The following ANKAR variants were observed in gnomAD, a reference collection of about 807,000 sequenced individuals.
ANKAR encodes ankyrin and armadillo repeat-containing protein.
A neutral mutation model predicts 146.2 loss-of-function variants in ANKAR; 136 were observed. The observed-to-expected ratio is 0.93, with a 90% CI of 0.81 to 1.07. The LOEUF (loss-of-function observed/expected upper bound fraction) is 1.07, where lower values mean the gene tolerates loss of function less well. Among genes scored for constraint, ANKAR ranks in the 50% least tolerant of loss-of-function variants. ANKAR has a pLI of 0.00. For synonymous variants in ANKAR, 500 were observed against 575.8 expected (o/e 0.87, Z 1.88); for missense variants, 1,567 against 1,679.9 (o/e 0.93, Z 1.18).
At chr2:189,675,312 TAGAC>T (rs1194589776) in intron 1 of ANKAR, among the ~76,000 whole-genome samples, 8 of 152,226 alleles carry the variant, frequency 5.3e-5, no homozygotes, top group African/African-American at 1.9e-4. Flanking sequence ...ATTTCAGGAA[TAGAC>T]AGGCATTCAT....
At chr2:189,690,964 T>A (rs915273818) in intron 3 of ANKAR, among the ~76,000 whole-genome samples, 1 of 152,334 alleles carries the variant, frequency 6.6e-6, no homozygotes, top group Non-Finnish European at 1.5e-5. Context: ...CCTTTTATAT[T>A]TCTCAAAATA....
At chr2:189,742,325 G>A (rs1282218823) in intron 20 of ANKAR, among the ~76,000 whole-genome samples, 2 of 152,120 alleles carry the variant, frequency 1.3e-5, no homozygotes, top group Admixed American at 1.3e-4. Flanking sequence ...CCAACATAAA[G>A]ACCAATATGT....
At chr2:189,756,764 GTTCAACAGTCTTCTA>G (rs2046149372) in intron 18 of ANKAR, among the ~76,000 whole-genome samples, 1 of 152,192 alleles carries the variant, frequency 6.6e-6, no homozygotes, top group Admixed American at 6.5e-5. Flanking sequence ...ATCTCAGTCT[GTTCAACAGTCTTCTA>G]ATTGTACTTT....
chr2:189,701,581 C>T (rs1048641898), intron 7 of ANKAR, among the ~76,000 whole-genome samples: 4 of 152,202 alleles, frequency 2.6e-5, no homozygotes, highest in Non-Finnish European at 2.9e-5. Flanking sequence ...ATTTCTTCCT[C>T]TGCTGCGTCT....
In ANKAR at chr2:189,715,569, A is replaced by G. The variant is rs572406228; in HGVS notation, c.2225-4003A>G. Among the ~76,000 whole-genome samples, 154 of 152,334 alleles carry G rather than the reference A, an allele frequency of 1.0e-3. 1 individual carries two copies. Among genetic ancestry groups the G allele is most frequent in the Non-Finnish European group, 1.9e-3 (128 of 68,028 alleles). On this transcript the variant is annotated intron_variant, in intron 10 of 22. Transcript: ENST00000684021. ...ATTTCAGTCAATAGAAAAAGAGGGA[A>G]TCCTTCCTAACTCATTTTATGAGGC...
At chr2:189,700,281 C>G (rs1416788760) in intron 7 of ANKAR, among the ~76,000 whole-genome samples, 1 of 152,138 alleles carries the variant, frequency 6.6e-6, no homozygotes, top group East Asian at 1.9e-4. Context: ...CTTTATTTTC[C>G]TCCGCACACT....
chr2:189,740,719 G>C (rs1195618411), intron 19 of ANKAR, among the ~76,000 whole-genome samples: 1 of 150,246 alleles, frequency 6.7e-6, no homozygotes, highest in African/African-American at 2.5e-5. Flanking sequence ...TTGAGACGGA[G>C]TTTCGCTCTT....
downstream of ANKAR, among the ~76,000 whole-genome samples, chr2:189,748,198 ATTAT>A (rs1301799840): frequency 6.6e-6 from 1 of 152,062 alleles, no homozygotes; most frequent in Admixed American, 6.5e-5. Context: ...TGAATGAATT[ATTAT>A]TTATTTATTT....
intron 18 of ANKAR, among the ~76,000 whole-genome samples, chr2:189,756,702 TCTCCGCATTTAAGTTTATCACCA>T (rs2046139881): frequency 6.6e-6 from 1 of 152,102 alleles, no homozygotes. Context: ...TCTCCCTCAC[TCTCCGCATTTAAGTTTATCACCA>T]CTCCCACTGC....
chr2:189,754,586 G>C (rs1390156103), intron 18 of ANKAR: 1 of 454,862 alleles, frequency 2.2e-6, no homozygotes, highest in East Asian at 3.6e-5. Context: ...TCTTCTATTG[G>C]TTGGAAAATG....
intron 22 of ANKAR, among the ~76,000 whole-genome samples, 157 bp downstream of exon 22, chr2:189,744,945 G>T (rs1352032874): frequency 1.4e-5 from 2 of 146,590 alleles, no homozygotes; most frequent in Non-Finnish European, 3.0e-5. Context: ...ATCACTTGAG[G>T]TCAGGAGTTC....
intron 2 of ANKAR, among the ~76,000 whole-genome samples, chr2:189,680,250 T>C (rs1276307799): frequency 1.3e-5 from 2 of 152,204 alleles, no homozygotes; most frequent in Admixed American, 1.3e-4. Flanking sequence ...TATAGTAACC[T>C]TGAATGATCT....
chr2:189,727,402 G>A (rs2041989551), intron 12 of ANKAR, among the ~76,000 whole-genome samples: 1 of 151,642 alleles, frequency 6.6e-6, no homozygotes, highest in African/African-American at 2.4e-5. Context: ...GGGTGTGGTG[G>A]TGCACACCTG....
At chr2:189,714,673 A>G (rs13034572) in intron 10 of ANKAR, among the ~76,000 whole-genome samples, 149,455 of 152,298 alleles carry the variant, frequency 0.98, 73,392 homozygotes, top group South Asian at 1. Flanking sequence ...TTGGCCAGGC[A>G]TGGTGGCTCA....
chr2:189,728,174 T>G, intron 13 of ANKAR, 77 bp downstream of exon 13: 1 of 1,503,766 alleles, frequency 6.6e-7, no homozygotes, highest in Middle Eastern at 1.8e-4. Context: ...ATAGAAAAAC[T>G]AAACCAATTC....
intron 21 of ANKAR, 129 bp downstream of exon 21, chr2:189,743,603 C>A: frequency 1.1e-6 from 1 of 883,162 alleles, no homozygotes; most frequent in Non-Finnish European, 1.7e-6. Flanking sequence ...AGAGGATAAA[C>A]TTTATTCTAA....
At chr2:189,744,544 G>C (rs1261151745) in intron 21 of ANKAR, among the ~76,000 whole-genome samples, 198 bp from the exon 22 acceptor site, 1 of 152,094 alleles carries the variant, frequency 6.6e-6, no homozygotes, top group Non-Finnish European at 1.5e-5. Flanking sequence ...CAAATGTTTG[G>C]AGTAAATAAG....
chr2:189,692,117 A>G (rs953975772), intron 3 of ANKAR, 138 bp from the exon 4 acceptor site: 10 of 657,352 alleles, frequency 1.5e-5, no homozygotes, highest in Non-Finnish European at 2.2e-5. Context: ...AAATAATTTT[A>G]TGCACTATAA....
intron 12 of ANKAR, among the ~76,000 whole-genome samples, chr2:189,726,963 C>T (rs1208267910): frequency 2.0e-5 from 3 of 152,126 alleles, no homozygotes; most frequent in Non-Finnish European, 2.9e-5. Flanking sequence ...CTTATTCTTA[C>T]AACTTTTCTA....
Sources: gnomAD v4.1 joint callset for allele counts (sites outside exome capture counted in the v4.1 genomes callset) on GRCh38, gnomAD v4.1.1 for gene constraint, MANE v1.5 for transcripts, NCBI Gene and HGNC (gene_info 2026-07-23, HGNC 2026-07-21) for gene names.